The following MTA3 variants were observed in gnomAD, a reference collection of about 807,000 sequenced individuals.
MTA3 encodes metastasis associated 1 family member 3.
A neutral mutation model predicts 83.5 loss-of-function variants in MTA3; 34 were observed. The ratio of observed to expected loss-of-function variants is 0.41; its 90% CI spans 0.31 to 0.54. MTA3 has a LOEUF of 0.54. MTA3 is among the 20% of genes least tolerant of loss of function. MTA3 has a pLI of 0.33. For missense variants in MTA3, 761 were observed against 726.4 expected (o/e 1.05, Z -0.55); for synonymous variants, 303 against 252.7 (o/e 1.20, Z -1.89).
intron 16 of MTA3, among the ~76,000 whole-genome samples, chr2:42,733,809 A>T (rs1372468707): frequency 6.6e-6 from 1 of 151,932 alleles, no homozygotes; most frequent in Non-Finnish European, 1.5e-5. Context: ...CCAGGAGCAT[A>T]TTGTTTAATT....
In MTA3 at chr2:42,625,455, T is replaced by A. The variant is rs1007063873; in HGVS notation, c.318-14718T>A. ...AATTTTGCCAATCATGTTTTAAAAT[T>A]TGTTTTATGGGCCGGGCACAGTGGC... is the stretch of plus-strand genomic sequence containing the variant. On this transcript the variant is annotated intron_variant, in intron 4 of 16. Coordinates refer to ENST00000405094, the MANE Select transcript of MTA3 (RefSeq NM_001330442.2). Among the ~76,000 whole-genome samples, 20 of 151,440 alleles carry A rather than the reference T, an allele frequency of 1.3e-4. 1 individual carries two copies. Among genetic ancestry groups the A allele is most frequent in the African/African-American group, 4.9e-4 (20 of 40,910 alleles).
intron 16 of MTA3, among the ~76,000 whole-genome samples, chr2:42,725,827 C>G (rs1036766058): frequency 1.3e-5 from 2 of 152,192 alleles, no homozygotes; most frequent in Non-Finnish European, 2.9e-5. Context: ...CAGAGCCAGA[C>G]AGCAAAGGGG....
rs1472402911 is a variant in MTA3 at position 42,640,249 on chromosome 2, CAT to C, written c.381+15_381+16del. 6.3e-7 allele frequency: 1 copy of C among 1,583,206 alleles called. No individual in the cohort carries two copies. The highest frequency in any genetic ancestry group is 1.8e-5 in the Admixed American group (1 of 56,398). On this transcript the variant is annotated intron_variant, in intron 5 of 16. Transcript: ENST00000405094. ...TCTTGATAAGGAGGTAATTCACAATCATAGTTGTTTTGTTTTTTTCTCCCTTT... is the reference window on the plus strand; with the variant it reads ...TCTTGATAAGGAGGTAATTCACAATCAGTTGTTTTGTTTTTTTCTCCCTTT...
rs1687009395 is a variant in MTA3 at position 42,634,618 on chromosome 2, T to G, written c.318-5555T>G. ...ATCACAATTCAAGATGAGATTTGGGTGGGGACACAGAGCCAAACCATATCA... is the reference window on the plus strand; with the variant it reads ...ATCACAATTCAAGATGAGATTTGGGGGGGGACACAGAGCCAAACCATATCA... On this transcript the variant is annotated intron_variant, in intron 4 of 16. Transcript: ENST00000405094. 1.3e-5 allele frequency among the ~76,000 whole-genome samples: 2 copies of G among 152,186 alleles called. 1 individual carries two copies. Among genetic ancestry groups the G allele is most frequent in the South Asian group, 4.1e-4 (2 of 4,828 alleles).
chr2:42,750,317 C>T (rs1386884211), intron 16 of MTA3, among the ~76,000 whole-genome samples: 3 of 152,030 alleles, frequency 2.0e-5, no homozygotes, highest in African/African-American at 7.2e-5. Context: ...GTATTCTTCT[C>T]TGTTTCTTCT....
At chr2:42,598,860 T>G (rs1227622195) in intron 3 of MTA3, among the ~76,000 whole-genome samples, 1 of 152,140 alleles carries the variant, frequency 6.6e-6, no homozygotes, top group Non-Finnish European at 1.5e-5. Context: ...ACTTTCACAT[T>G]AACACAGAAG....
intron 2 of MTA3, among the ~76,000 whole-genome samples, chr2:42,502,831 C>T (rs1470036702): frequency 7.1e-6 from 1 of 140,674 alleles, no homozygotes; most frequent in Non-Finnish European, 1.5e-5. Context: ...GGCATGGTGG[C>T]AGCCGCCTGT....
intron 14 of MTA3, among the ~76,000 whole-genome samples, chr2:42,712,333 T>G (rs1666692422): frequency 6.6e-6 from 1 of 152,044 alleles, no homozygotes; most frequent in African/African-American, 2.4e-5. Flanking sequence ...TCTTGCTCTG[T>G]TGCCCATGCT....
chr2:42,556,182 TG>T (rs1179461075), intron 2 of MTA3, among the ~76,000 whole-genome samples: 1 of 151,618 alleles, frequency 6.6e-6, no homozygotes, highest in Non-Finnish European at 1.5e-5. Flanking sequence ...CCAGCCTGAC[TG>T]TTTGGGTGTC....
At chr2:42,520,582 CT>C (rs1371823048) in intron 2 of MTA3, among the ~76,000 whole-genome samples, 8 of 148,912 alleles carry the variant, frequency 5.4e-5, no homozygotes, top group South Asian at 2.1e-4. Flanking sequence ...TTTGTTCCTC[CT>C]TTTTTTTTTC....
intron 11 of MTA3, among the ~76,000 whole-genome samples, chr2:42,700,906 G>A (rs781300236): frequency 6.6e-6 from 1 of 152,156 alleles, no homozygotes; most frequent in Non-Finnish European, 1.5e-5. Flanking sequence ...TTTGAGATCA[G>A]TCTGCACAAA....
intron 6 of MTA3, among the ~76,000 whole-genome samples, chr2:42,654,869 G>C (rs1689020319): frequency 6.6e-6 from 1 of 152,108 alleles, no homozygotes; most frequent in African/African-American, 2.4e-5. Context: ...TCCTGCCCCA[G>C]CTTCCCAAAG....
intron 8 of MTA3, among the ~76,000 whole-genome samples, chr2:42,668,329 G>A (rs760277853): frequency 3.9e-5 from 6 of 152,164 alleles, no homozygotes; most frequent in Non-Finnish European, 7.4e-5. Context: ...TTTAGGTAAT[G>A]TTTGCAAACA....
chr2:42,615,706 CTCT>C (rs1558503951), intron 4 of MTA3, among the ~76,000 whole-genome samples: 4 of 78,540 alleles, frequency 5.1e-5, no homozygotes, highest in African/African-American at 1.0e-4. Flanking sequence ...CTTGAATAAT[CTCT>C]TCTTTTTTTT....
chr2:42,556,613 G>C (rs1171231329), intron 2 of MTA3, among the ~76,000 whole-genome samples: 1 of 152,190 alleles, frequency 6.6e-6, no homozygotes, highest in Non-Finnish European at 1.5e-5. Flanking sequence ...TGCTGCAGAT[G>C]CTTTGGGTAA....
chr2:42,551,731 T>C (rs1393763878), intron 2 of MTA3, among the ~76,000 whole-genome samples: 1 of 151,780 alleles, frequency 6.6e-6, no homozygotes, highest in Non-Finnish European at 1.5e-5. Flanking sequence ...AAGACTGCAC[T>C]GAGGAGGTAA....
intron 8 of MTA3, among the ~76,000 whole-genome samples, chr2:42,670,378 TTTA>T (rs1312914792): frequency 6.6e-6 from 1 of 152,154 alleles, no homozygotes; most frequent in Non-Finnish European, 1.5e-5. Context: ...CCACATTTGC[TTTA>T]TTATTATTAT....
chr2:42,565,104 C>T (rs1008010768), upstream of MTA3, among the ~76,000 whole-genome samples: 6 of 151,914 alleles, frequency 3.9e-5, no homozygotes, highest in East Asian at 3.9e-4. Flanking sequence ...TTTATTTTTT[C>T]GCACATATAA....
intron 16 of MTA3, among the ~76,000 whole-genome samples, chr2:42,745,897 T>A (rs1669378468): frequency 6.8e-6 from 1 of 146,518 alleles, no homozygotes; most frequent in Non-Finnish European, 1.5e-5. Context: ...CGCTGCAACC[T>A]CTGACTCCCT....
Sources: allele counts gnomAD v4.1 joint callset (sites outside exome capture counted in the v4.1 genomes callset), GRCh38; gene constraint gnomAD v4.1.1; transcripts MANE v1.5; gene names NCBI Gene and HGNC (gene_info 2026-07-23, HGNC 2026-07-21).